Variants in MACROD2 observed in about 807,000 individuals in gnomAD.
The protein encoded by MACROD2 is mono-ADP ribosylhydrolase 2.
In MACROD2, 36 loss-of-function variants were observed where a neutral mutation model predicts 70.4. The ratio of observed to expected loss-of-function variants is 0.51; its 90% CI spans 0.39 to 0.68. The LOEUF is 0.68. MACROD2 is among the 30% of genes least tolerant of loss of function. MACROD2 has a pLI of 0.00. For missense variants in MACROD2, 496 were observed against 538.4 expected, an observed-to-expected ratio of 0.92 and a Z score of 0.78; for synonymous variants, 172 against 178.8, an observed-to-expected ratio of 0.96 and a Z score of 0.30.
At chr20:14,280,989 C>T (rs1396060859) in intron 3 of MACROD2, among the ~76,000 whole-genome samples, 1 of 152,064 alleles carries the variant, frequency 6.6e-6, no homozygotes, top group Non-Finnish European at 1.5e-5. Flanking sequence ...GTTATTGAGG[C>T]CCCCAAACAG....
intron 2 of MACROD2, among the ~76,000 whole-genome samples, chr20:14,047,108 G>T (rs1408738716): frequency 1.3e-5 from 2 of 152,114 alleles, no homozygotes; most frequent in Admixed American, 6.6e-5. Flanking sequence ...CAAAGCAATG[G>T]TATATATAGT....
chr20:14,190,849 A>G (rs1465400530), intron 3 of MACROD2, among the ~76,000 whole-genome samples: 2 of 149,774 alleles, frequency 1.3e-5, no homozygotes, highest in African/African-American at 4.9e-5. Context: ...CTGGGACTAT[A>G]GGCGCCCGCC....
At chr20:15,996,309 T>C (rs990173688) in intron 15 of MACROD2, among the ~76,000 whole-genome samples, 3 of 152,194 alleles carry the variant, frequency 2.0e-5, no homozygotes, top group Non-Finnish European at 4.4e-5. Context: ...AAGTCTTCTT[T>C]GGAAAAATGT....
chr20:15,590,687 A>C (rs560104516), intron 8 of MACROD2, among the ~76,000 whole-genome samples: 1 of 152,234 alleles, frequency 6.6e-6, no homozygotes, highest in East Asian at 1.9e-4. Context: ...GTTTGAGACC[A>C]GCCTGGCCAA....
At chr20:15,983,469 C>A (rs1455211311) in intron 13 of MACROD2, among the ~76,000 whole-genome samples, 1 of 152,132 alleles carries the variant, frequency 6.6e-6, no homozygotes, top group Non-Finnish European at 1.5e-5. Flanking sequence ...TTGATAAGCT[C>A]TTGAAAATTC....
At chr20:13,996,715 C>T (rs2052663219) in intron 1 of MACROD2, among the ~76,000 whole-genome samples, 1 of 152,090 alleles carries the variant, frequency 6.6e-6, no homozygotes, top group Non-Finnish European at 1.5e-5. Flanking sequence ...GTGTCTCTGG[C>T]GTTTTTCACC....
At chr20:14,492,481 A>C (rs1439101846) in intron 3 of MACROD2, among the ~76,000 whole-genome samples, 1 of 152,174 alleles carries the variant, frequency 6.6e-6, no homozygotes, top group Admixed American at 6.5e-5. Flanking sequence ...ATCTAACCTC[A>C]TTGAATCATT....
At chr20:14,511,490 A>G (rs970877067) in intron 4 of MACROD2, among the ~76,000 whole-genome samples, 4 of 152,116 alleles carry the variant, frequency 2.6e-5, no homozygotes, top group African/African-American at 9.7e-5. Context: ...CAGTTCAGCT[A>G]ATATCTGTGA....
intron 3 of MACROD2, among the ~76,000 whole-genome samples, chr20:14,131,001 T>G (rs187704806): frequency 6.0e-5 from 9 of 150,310 alleles, no homozygotes; most frequent in African/African-American, 2.2e-4. Context: ...CATAGCTTAC[T>G]GCAACCTTGG....
chr20:14,535,826 A>C (rs1421591168), intron 4 of MACROD2, among the ~76,000 whole-genome samples: 1 of 152,198 alleles, frequency 6.6e-6, no homozygotes, highest in Admixed American at 6.5e-5. Context: ...ATTATATCCT[A>C]AGAAGGTATT....
chr20:14,631,256 T>A (rs1176864792), intron 4 of MACROD2, among the ~76,000 whole-genome samples: 1 of 152,162 alleles, frequency 6.6e-6, no homozygotes, highest in Non-Finnish European at 1.5e-5. Flanking sequence ...CCAGTTTACC[T>A]GAGCTGGCAT....
At position 15,036,957 on chromosome 20, in the gene MACROD2, AAAT is replaced by A. The variant is rs1400867934; in HGVS notation, c.419-192979_419-192977del. Among the ~76,000 whole-genome samples the A allele has an allele frequency of 4.5e-4, 68 of 151,716 alleles. 2 individuals carry two copies. Among genetic ancestry groups the A allele is most frequent in the Non-Finnish European group, 4.0e-4 (27 of 67,938 alleles). On this transcript the variant is annotated intron_variant, in intron 5 of 17. Coordinates refer to ENST00000684519, the MANE Select transcript of MACROD2 (RefSeq NM_001351661.2). ...TCAATATTTATAATAGATAATTATA[AAAT>A]AATCTTTATGTGTTCTTTTAGAACT...
intron 7 of MACROD2, among the ~76,000 whole-genome samples, chr20:15,498,484 G>A (rs890259796): frequency 6.6e-6 from 1 of 152,194 alleles, no homozygotes; most frequent in South Asian, 2.1e-4. Context: ...GAAAAAAAGA[G>A]GGCTGAGTTT....
chr20:14,464,319 C>T (rs1201023171), intron 3 of MACROD2, among the ~76,000 whole-genome samples: 6 of 152,076 alleles, frequency 3.9e-5, no homozygotes, highest in African/African-American at 7.3e-5. Context: ...AGTTTATTTG[C>T]GTAGAGGTAT....
intron 5 of MACROD2, among the ~76,000 whole-genome samples, chr20:14,823,772 CT>C (rs1018760399): frequency 6.6e-6 from 1 of 151,856 alleles, no homozygotes; most frequent in African/African-American, 2.4e-5. Flanking sequence ...TATTTGGTGG[CT>C]TTTTTTGTTT....
chr20:15,132,600 A>G (rs2076114775), intron 5 of MACROD2, among the ~76,000 whole-genome samples: 1 of 152,014 alleles, frequency 6.6e-6, no homozygotes, highest in South Asian at 2.1e-4. Flanking sequence ...CTAGAGCTTA[A>G]TAGAAGGACA....
intron 5 of MACROD2, among the ~76,000 whole-genome samples, chr20:14,982,653 G>C (rs916214051): frequency 2.3e-4 from 35 of 152,212 alleles, no homozygotes; most frequent in African/African-American, 8.4e-4. Flanking sequence ...TCCACATGGT[G>C]TTGAGCCTTG....
chr20:14,693,061 T>C (rs905348118), intron 5 of MACROD2, among the ~76,000 whole-genome samples: 1 of 152,236 alleles, frequency 6.6e-6, no homozygotes, highest in East Asian at 1.9e-4. Context: ...CTATACCTCC[T>C]ATTTCCTATG....
intron 5 of MACROD2, among the ~76,000 whole-genome samples, chr20:14,748,080 A>G (rs1023608840): frequency 7.2e-5 from 11 of 152,106 alleles, no homozygotes; most frequent in Non-Finnish European, 1.2e-4. Flanking sequence ...CATATACAAG[A>G]TTCTCATAGG....
Sources: allele counts gnomAD v4.1 joint callset (sites outside exome capture counted in the v4.1 genomes callset), GRCh38; gene constraint gnomAD v4.1.1; transcripts MANE v1.5; gene names NCBI Gene and HGNC (gene_info 2026-07-23, HGNC 2026-07-21).